SLC29A1: variants seen among roughly 807,000 people sequenced by gnomAD.
SLC29A1 encodes solute carrier family 29 member 1 (Augustine blood group).
SLC29A1 carries 22 observed loss-of-function variants against 48.3 expected under a neutral mutation model. That is an observed-to-expected ratio of 0.46 (90% confidence interval 0.33 to 0.65). SLC29A1 has a LOEUF of 0.65. Ranked by LOEUF, SLC29A1 falls within the 30% of genes least tolerant of loss-of-function variation. The probability of loss-of-function intolerance (pLI) is 0.03; values close to 1 mark genes in which losing one functional copy is unlikely to be tolerated. For missense variants in SLC29A1, 491 were observed against 575.3 expected (o/e 0.85, Z 1.50); for synonymous variants, 228 against 231.0 (o/e 0.99, Z 0.12).
chr6:44,229,261 A>T lies in SLC29A1; in HGVS notation c.30-129A>T. 1.3e-6 allele frequency: 1 copy of T among 764,426 alleles called. No individual in the cohort carries two copies. The highest frequency in any genetic ancestry group is 2.4e-6 in the Non-Finnish European group (1 of 423,792). 47.4% of individuals were successfully genotyped at this position (764,426 alleles called of 1,614,324 possible). On this transcript the variant is annotated intron_variant, in intron 2 of 12. Coordinates refer to ENST00000371755, the MANE Select transcript of SLC29A1 (RefSeq NM_001372327.1). This position sits in a 1 kb window ranked among gnomAD's most constrained non-coding sequence, Gnocchi z 5.1. ...CCCATAAGAGGACACATGCAAACGG[A>T]CACAAACACAGACGCCCTGTGCCCT...
rs764268704 is a variant in SLC29A1 at position 44,229,745 on chromosome 6, C to T, written c.268C>T (p.Leu90=). ...CAATGTCATGACCCTATGTGCCATG[C>T]TGCCCCTGCTGTTATTCACCTACCT... ...FNNVMTLCAM[L]PLLLFTYLNS... is the part of the protein sequence containing the mutation. Residue 90 remains leucine, a synonymous_variant, in exon 4 of 13, where the codon CTG becomes TTG. Coordinates refer to ENST00000371755, the MANE Select transcript of SLC29A1 (RefSeq NM_001372327.1). The surrounding 1 kb of genome is among the most constrained non-coding windows in gnomAD (Gnocchi z 5.1). The T allele has an allele frequency of 6.2e-7, 1 of 1,613,942 alleles. No homozygotes were observed. Among genetic ancestry groups the T allele is most frequent in the South Asian group, 1.1e-5 (1 of 91,084 alleles).
chr6:44,227,336 A>T lies in SLC29A1; in HGVS notation c.23A>T (p.Gln8Leu), dbSNP rs1364039388. The T allele has an allele frequency of 1.9e-6, 3 of 1,613,682 alleles. No individual in the cohort carries two copies. Among genetic ancestry groups the T allele is most frequent in the Non-Finnish European group, 1.7e-6 (2 of 1,179,602 alleles). The change falls in exon 2 of 13, where the codon CAG becomes CTG. Residue 8 changes from glutamine (Q) to leucine (L), a missense_variant. Gln to Leu is a moderately radical substitution (Grantham distance 113, BLOSUM62 -2). Transcript: ENST00000371755. The stretch of plus-strand genomic sequence containing the variant: ...ACCATGACAACCAGTCACCAGCCTC[A>T]GGACAGGTAAGGGGTAAGGGGCTGG... MTTSHQP[Q>L]DRYKAVWLIF...
chr6:44,233,856 A>C lies in SLC29A1; in HGVS notation c.*328A>C. 2 of 337,740 alleles carry C rather than the reference A, an allele frequency of 5.9e-6. No individual in the cohort carries two copies. Among genetic ancestry groups the C allele is most frequent in the East Asian group, 6.4e-5 (1 of 15,610 alleles). 20.9% of individuals were successfully genotyped at this position (337,740 alleles called of 1,614,324 possible). A position where few individuals can be genotyped will look rare whatever the true frequency, so the allele number is the denominator to read the frequency against. On this transcript the variant is annotated 3_prime_UTR_variant, in exon 13 of 13. Coordinates refer to ENST00000371755, the MANE Select transcript of SLC29A1 (RefSeq NM_001372327.1). ...TTGGAGAACACGTGTGTCTCTGTGT[A>C]TGTGTCTGTGTGTCTGCGTCCGTGT...
intron 1 of SLC29A1, chr6:44,226,913 C>A: frequency 9.3e-7 from 1 of 1,072,666 alleles, no homozygotes; most frequent in Non-Finnish European, 1.1e-6. Flanking sequence ...CTTTGACTGT[C>A]TTTCCCTCCC....
chr6:44,230,203 C>A, intron 5 of SLC29A1, 144 bp from the exon 6 acceptor site: 1 of 1,473,010 alleles, frequency 6.8e-7, no homozygotes, highest in Non-Finnish European at 9.3e-7. Context: ...TGGGCCTGGA[C>A]CAGGGCTGGG....
chr6:44,233,371 G>T (rs772234717), intron 12 of SLC29A1, 46 bp from the exon 13 acceptor site: 4 of 1,480,764 alleles, frequency 2.7e-6, no homozygotes, highest in Non-Finnish European at 3.8e-6. Context: ...CTCTGGGCTG[G>T]GGTACAGCCA....
rs1370268543 is a variant in SLC29A1 at position 44,233,783 on chromosome 6, T to C, written c.*255T>C. The C allele has an allele frequency of 5.7e-6, 3 of 521,798 alleles. No homozygotes were observed. The Admixed American group carries it at 9.8e-5, about 17-fold the overall frequency. 32.3% of individuals were successfully genotyped at this position (521,798 alleles called of 1,614,324 possible). ...GCATTTGCTTGAGTTTCTCCACTCT[T>C]GGCTCTGACTGATCCCTGCTTGTGC... On this transcript the variant is annotated 3_prime_UTR_variant, in exon 13 of 13. Coordinates refer to ENST00000371755, the MANE Select transcript of SLC29A1 (RefSeq NM_001372327.1).
upstream of SLC29A1, chr6:44,221,624 ACCAGG>A (rs749614982): frequency 3.9e-5 from 50 of 1,289,756 alleles, 1 homozygote; most frequent in South Asian, 6.2e-4. This position sits in a 1 kb window ranked among gnomAD's most constrained non-coding sequence, Gnocchi z 4.2. Flanking sequence ...AAGCCAGAAG[ACCAGG>A]CAGAGACTGA....
At position 44,230,145 on chromosome 6, in the gene SLC29A1, G is replaced by A. The variant is rs776498667; in HGVS notation, c.454+99G>A. 1.7e-5 allele frequency: 26 copies of A among 1,534,968 alleles called. No individual in the cohort carries two copies. The South Asian group carries it at 2.0e-4, about 12-fold the overall frequency. On this transcript the variant is annotated intron_variant, in intron 5 of 12. Transcript: ENST00000371755. ...TTAGCCAGAGAGAAGCCCAGCCTCC[G>A]CCTGGAGGGAGTGGATGCTGTGAGC...
In SLC29A1 at chr6:44,230,410, C is replaced by A; in HGVS notation, c.518C>A (p.Thr173Lys). 6.2e-7 allele frequency: 1 copy of A among 1,614,060 alleles called. No individual in the cohort carries two copies. Reference sequence around the variant, plus strand: ...GCTGGCCTTCTGCCTGCCAGCTACACGGCCCCCATCATGAGTGGCCAGGGC... The same window carrying A: ...GCTGGCCTTCTGCCTGCCAGCTACAAGGCCCCCATCATGAGTGGCCAGGGC... ...GLAGLLPASY[T>K]APIMSGQGLA... The change falls in exon 6 of 13, where the codon ACG (threonine) becomes AAG (lysine). Residue 173 changes from threonine to lysine, a missense_variant. By Grantham distance (78) the Thr-to-Lys change is moderately conservative. Coordinates refer to ENST00000371755, the MANE Select transcript of SLC29A1 (RefSeq NM_001372327.1).
At position 44,229,037 on chromosome 6, in the gene SLC29A1, A is replaced by G. The variant is rs891258921; in HGVS notation, c.30-353A>G. Among the ~76,000 whole-genome samples the G allele has an allele frequency of 1.3e-5, 2 of 151,868 alleles. No individual in the cohort carries two copies. Among genetic ancestry groups the G allele is most frequent in the African/African-American group, 2.4e-5 (1 of 41,314 alleles). On this transcript the variant is annotated intron_variant, in intron 2 of 12. Coordinates refer to ENST00000371755, the MANE Select transcript of SLC29A1 (RefSeq NM_001372327.1). The surrounding 1 kb of genome is among the most constrained non-coding windows in gnomAD (Gnocchi z 5.1). The stretch of plus-strand genomic sequence containing the variant: ...TTGCTGCTTGCTTTCTCACTCATCC[A>G]CCCACCCCCTGCCCTTCGGCAGGAT...
At chr6:44,222,627 A>T (rs184169675), upstream of SLC29A1, among the ~76,000 whole-genome samples, 3 of 149,058 alleles carry the variant, frequency 2.0e-5, no homozygotes, top group East Asian at 6.0e-4. Flanking sequence ...AGTGCCCCCC[A>T]CCCCACCCCA....
chr6:44,230,343 C>T lies in SLC29A1; in HGVS notation c.455-4C>T. 1 of 1,609,692 alleles carries T rather than the reference C, an allele frequency of 6.2e-7. No individual in the cohort carries two copies. Among genetic ancestry groups the T allele is most frequent in the Admixed American group, 1.7e-5 (1 of 59,812 alleles). The stretch of plus-strand genomic sequence containing the variant: ...CCCTGCTCATGCCCGCCCTGTTTCC[C>T]CAGCATTTGGTGCCATCCTGCAGGG... On this transcript the variant is annotated splice_region_variant and splice_polypyrimidine_tract_variant and intron_variant, in intron 5 of 12. Coordinates refer to ENST00000371755, the MANE Select transcript of SLC29A1 (RefSeq NM_001372327.1).
In SLC29A1 at chr6:44,232,248, A is replaced by C. The variant is rs970743410; in HGVS notation, c.974-95A>C. 3.4e-6 allele frequency: 4 copies of C among 1,172,022 alleles called. No homozygotes were observed. Among genetic ancestry groups the C allele is most frequent in the Admixed American group, 3.4e-5 (2 of 58,966 alleles). The allele number at this position is 1,172,022 out of a possible 1,614,324, so 72.6% of individuals were successfully genotyped here. A position where few individuals can be genotyped will look rare whatever the true frequency, so the allele number is the denominator to read the frequency against. On this transcript the variant is annotated intron_variant, in intron 10 of 12. Coordinates refer to ENST00000371755, the MANE Select transcript of SLC29A1 (RefSeq NM_001372327.1). The surrounding 1 kb of genome is among the most constrained non-coding windows in gnomAD (Gnocchi z 4.7). ...TCCCTGGGCTGGAAGCATCTTCTCC[A>C]TTTTACTGTTGGGGAAGCTGAGGCC...
chr6:44,223,841 G>A lies in SLC29A1; in HGVS notation c.-52+200G>A, dbSNP rs1776819932. 2 of 1,000,804 alleles carry A rather than the reference G, an allele frequency of 2.0e-6. No homozygotes were observed. The highest frequency in any genetic ancestry group is 2.4e-6 in the Non-Finnish European group (2 of 839,668). 62.0% of individuals were successfully genotyped at this position (1,000,804 alleles called of 1,614,324 possible). ...GGGCCAGGGAGCCTGAGGACCCTGC[G>A]GGGACCGGGACCCAAGCTGGGCGGG... On this transcript the variant is annotated intron_variant, in intron 1 of 12. Coordinates refer to ENST00000371755, the MANE Select transcript of SLC29A1 (RefSeq NM_001372327.1). This position sits in a 1 kb window ranked among gnomAD's most constrained non-coding sequence, Gnocchi z 5.0.
intron 8 of SLC29A1, 93 bp from the exon 9 acceptor site, chr6:44,231,271 C>T: frequency 1.2e-6 from 1 of 852,966 alleles, no homozygotes; most frequent in Non-Finnish European, 2.0e-6. Flanking sequence ...GAGGCGTCTA[C>T]TTTCAAGTAA....
chr6:44,227,552 G>A (rs1193375968), intron 2 of SLC29A1, among the ~76,000 whole-genome samples: 4 of 152,234 alleles, frequency 2.6e-5, no homozygotes, highest in Non-Finnish European at 5.9e-5. Flanking sequence ...GTGGGCAGCA[G>A]TCCTTCCCTG....
chr6:44,220,050 A>G (rs1776157762), upstream of SLC29A1, among the ~76,000 whole-genome samples: 1 of 152,178 alleles, frequency 6.6e-6, no homozygotes, highest in Non-Finnish European at 1.5e-5. Context: ...GGTCTGGAAA[A>G]TTAGCCTAGA....
At chr6:44,231,610 C>A (rs369732412) in intron 9 of SLC29A1, 149 bp downstream of exon 9, 2 of 634,590 alleles carry the variant, frequency 3.2e-6, no homozygotes, top group East Asian at 2.7e-5. Context: ...CCCATGCGTG[C>A]GTGCCGGGGG....
Sources: gnomAD v4.1 joint callset for allele counts (sites outside exome capture counted in the v4.1 genomes callset) on GRCh38, gnomAD v4.1.1 for gene constraint, Gnocchi (gnomAD v3.1) non-coding constraint, MANE v1.5 for transcripts, NCBI Gene and HGNC (gene_info 2026-07-23, HGNC 2026-07-21) for gene names.